The following JMJD1C variants were observed in gnomAD, a reference collection of about 807,000 sequenced individuals.
JMJD1C encodes the protein jumonji domain-containing protein 1C.
JMJD1C carries 31 observed loss-of-function variants against 245.3 expected under a neutral mutation model. The ratio of observed to expected loss-of-function variants is 0.13; its 90% CI spans 0.09 to 0.17. The LOEUF is 0.17. Among genes scored for constraint, JMJD1C ranks in the 10% least tolerant of loss-of-function variants. The pLI is 1.00. For synonymous variants in JMJD1C, 1,057 were observed against 1,017.4 expected (o/e 1.04, Z -0.74); for missense variants, 2,691 against 3,000.2 (o/e 0.90, Z 2.41).
chr10:63,301,559 A>T (rs1860077977), intron 2 of JMJD1C, among the ~76,000 whole-genome samples: 1 of 152,228 alleles, frequency 6.6e-6, no homozygotes, highest in African/African-American at 2.4e-5. Flanking sequence ...TAACACAGGA[A>T]CAGAAAACCA....
At chr10:63,262,638 A>G (rs1854931094) in intron 3 of JMJD1C, among the ~76,000 whole-genome samples, 1 of 152,196 alleles carries the variant, frequency 6.6e-6, no homozygotes, top group African/African-American at 2.4e-5. Context: ...CAATGGTTAA[A>G]ATGTCAAGTC....
chr10:63,201,889 C>A (rs1846050038), intron 10 of JMJD1C, among the ~76,000 whole-genome samples: 1 of 150,346 alleles, frequency 6.7e-6, no homozygotes, highest in Admixed American at 6.6e-5. Flanking sequence ...AACATTGCGC[C>A]ACTGCACTCC....
chr10:63,493,249 C>CCT (rs1954232090), intron 1 of JMJD1C, among the ~76,000 whole-genome samples: 3 of 49,136 alleles, frequency 6.1e-5, no homozygotes, highest in Admixed American at 7.8e-4. Context: ...ACTGTTATTT[C>CCT]TTTTTTTTTT....
intron 1 of JMJD1C, chr10:63,427,486 C>G: frequency 8.0e-7 from 1 of 1,254,936 alleles, no homozygotes; most frequent in Non-Finnish European, 1.1e-6. Context: ...CAGGATGTCC[C>G]ACTGGGCCAA....
At chr10:63,428,555 AG>A (rs2132815427) in intron 1 of JMJD1C, among the ~76,000 whole-genome samples, 1 of 152,330 alleles carries the variant, frequency 6.6e-6, no homozygotes. Context: ...GCTTTGGAAT[AG>A]ATGAGAAACT....
At chr10:63,392,750 G>A (rs1417397897) in intron 1 of JMJD1C, among the ~76,000 whole-genome samples, 1 of 150,708 alleles carries the variant, frequency 6.6e-6, no homozygotes. Flanking sequence ...GCTTGAACAC[G>A]GGAGGCAGAG....
intron 3 of JMJD1C, among the ~76,000 whole-genome samples, chr10:63,260,947 C>T (rs369381344): frequency 5.3e-4 from 81 of 152,230 alleles, no homozygotes; most frequent in African/African-American, 1.9e-3. Context: ...TCTCCTCCTT[C>T]TTCCCAGCTA....
intron 2 of JMJD1C, among the ~76,000 whole-genome samples, chr10:63,265,301 G>A (rs1855414903): frequency 1.9e-5 from 2 of 105,218 alleles, no homozygotes; most frequent in Non-Finnish European, 1.8e-5. Context: ...TAAAAATCCC[G>A]CAGCTTCGGT....
At chr10:63,378,763 T>C (rs1363364059) in intron 2 of JMJD1C, among the ~76,000 whole-genome samples, 1 of 152,166 alleles carries the variant, frequency 6.6e-6, no homozygotes, top group Non-Finnish European at 1.5e-5. Context: ...TGTATCCAGT[T>C]TTTGGGTTAA....
chr10:63,421,997 C>T (rs1950153957), intron 1 of JMJD1C, among the ~76,000 whole-genome samples: 1 of 152,084 alleles, frequency 6.6e-6, no homozygotes, highest in Non-Finnish European at 1.5e-5. Flanking sequence ...TAATACAGTC[C>T]CGTTTCACTT....
chr10:63,391,715 T>C (rs1456612345), intron 1 of JMJD1C, among the ~76,000 whole-genome samples: 2 of 152,134 alleles, frequency 1.3e-5, no homozygotes, highest in Admixed American at 6.5e-5. Flanking sequence ...AATGATCATA[T>C]TGTCTGAAGC....
intron 1 of JMJD1C, among the ~76,000 whole-genome samples, chr10:63,502,346 A>C (rs1461207189): frequency 6.6e-6 from 1 of 152,150 alleles, no homozygotes; most frequent in Non-Finnish European, 1.5e-5. Context: ...TAGCTTTAAA[A>C]ACCTGCCGGC....
chr10:63,438,564 A>C (rs770823472), intron 1 of JMJD1C, among the ~76,000 whole-genome samples: 7 of 152,078 alleles, frequency 4.6e-5, no homozygotes, highest in Non-Finnish European at 8.8e-5. Flanking sequence ...TTAATCCTTA[A>C]AATGTTCTAT....
intron 1 of JMJD1C, among the ~76,000 whole-genome samples, chr10:63,419,430 G>C (rs1949991546): frequency 6.6e-6 from 1 of 151,950 alleles, no homozygotes; most frequent in African/African-American, 2.4e-5. Flanking sequence ...TAAGTTTGGG[G>C]GTTTTAAGCC....
chr10:63,292,871 C>G (rs1004607879), intron 2 of JMJD1C, among the ~76,000 whole-genome samples: 1 of 152,022 alleles, frequency 6.6e-6, no homozygotes, highest in Non-Finnish European at 1.5e-5. Flanking sequence ...ATGGTGAAAC[C>G]CCTCTCTACA....
chr10:63,223,465 C>T (rs956690929), intron 3 of JMJD1C, among the ~76,000 whole-genome samples: 3 of 151,718 alleles, frequency 2.0e-5, no homozygotes, highest in Non-Finnish European at 2.9e-5. Context: ...TGGACTCAAG[C>T]GATCTGCCCA....
At chr10:63,218,534 T>C (rs1043495200) in intron 4 of JMJD1C, among the ~76,000 whole-genome samples, 1 of 152,098 alleles carries the variant, frequency 6.6e-6, no homozygotes, top group Non-Finnish European at 1.5e-5. Context: ...GACATGCTTA[T>C]AGAGTAACTC....
At chr10:63,268,915 C>G in intron 2 of JMJD1C, 1 of 985,808 alleles carries the variant, frequency 1.0e-6, no homozygotes, top group Non-Finnish European at 1.2e-6. Context: ...CCTAACAAGT[C>G]TCCAACGAGC....
At chr10:63,459,670 A>AACGT (rs1362389889) in intron 1 of JMJD1C, among the ~76,000 whole-genome samples, 2 of 152,226 alleles carry the variant, frequency 1.3e-5, no homozygotes, top group African/African-American at 4.8e-5. Flanking sequence ...ACAAGACTCT[A>AACGT]ACGTCTGAAC....
Sources: gnomAD v4.1 joint callset for allele counts (sites outside exome capture counted in the v4.1 genomes callset) on GRCh38, gnomAD v4.1.1 for gene constraint, MANE v1.5 for transcripts, NCBI Gene and HGNC (gene_info 2026-07-23, HGNC 2026-07-21) for gene names.